Variants in KCNB2 observed in about 807,000 individuals in gnomAD.
KCNB2 encodes delayed rectifier potassium channel protein.
KCNB2 carries 15 observed loss-of-function variants against 61.5 expected under a neutral mutation model. The ratio of observed to expected loss-of-function variants is 0.24; its 90% confidence interval spans 0.16 to 0.38. The LOEUF (loss-of-function observed/expected upper bound fraction) is 0.38. Among genes scored for constraint, KCNB2 ranks in the 10% least tolerant of loss-of-function variants. KCNB2 has a pLI of 1.00. For synonymous variants in KCNB2, 457 were observed against 446.0 expected, an observed-to-expected ratio of 1.02 and a Z score of -0.31; for missense variants, 828 against 1,125.2, an observed-to-expected ratio of 0.74 and a Z score of 3.78.
chr8:72,568,385 G>GT, intron 2 of KCNB2, 72 bp downstream of exon 2: 3 of 1,308,214 alleles, frequency 2.3e-6, no homozygotes, highest in Non-Finnish European at 2.1e-6. Context: ...GAGAGTATAA[G>GT]TTTTTTTACT....
chr8:72,560,438 T>A (rs922570128), intron 1 of KCNB2, among the ~76,000 whole-genome samples: 5 of 152,226 alleles, frequency 3.3e-5, no homozygotes, highest in African/African-American at 9.6e-5. Context: ...TGATTTATTT[T>A]TCAGGGTATT....
chr8:72,888,360 C>T (rs1288128448), intron 2 of KCNB2, among the ~76,000 whole-genome samples: 1 of 152,140 alleles, frequency 6.6e-6, no homozygotes, highest in Non-Finnish European at 1.5e-5. Flanking sequence ...ATCCACCCAC[C>T]GCAGCTTCCC....
rs1346713767 is a variant in KCNB2, at chr8:72,567,935, C to T, written c.201C>T (p.Cys67=). The change falls in exon 2 of 3, where the codon TGC becomes TGT. Residue 67 remains cysteine, a synonymous_variant. Transcript: ENST00000523207. Reference sequence around the variant, plus strand: ...CGCGCCTGGGGAAGCTTCGAGACTGCAACACACACGAGAGCCTCCTGGAAG... The same window carrying T: ...CGCGCCTGGGGAAGCTTCGAGACTGTAACACACACGAGAGCCTCCTGGAAG... ...PRTRLGKLRD[C]NTHESLLEVC... The T allele has an allele frequency of 1.2e-6, 2 of 1,613,834 alleles. No individual in the cohort carries two copies. The highest frequency in any genetic ancestry group is 1.7e-6 in the Non-Finnish European group (2 of 1,179,890).
chr8:72,666,754 G>A lies in KCNB2; in HGVS notation c.579+98441G>A, dbSNP rs113185492. On this transcript the variant is annotated intron_variant, in intron 2 of 2. Coordinates refer to ENST00000523207, the MANE Select transcript of KCNB2 (RefSeq NM_004770.3). ...TGCAACCTCTGCCTCCCGGGTTCAG[G>A]CTATTCTCCTGCCTCAGCCTCCTGA... is the stretch of plus-strand genomic sequence containing the variant. 2.4e-3 allele frequency among the ~76,000 whole-genome samples: 370 copies of A among 151,530 alleles called. 2 individuals are homozygous for A. Among genetic ancestry groups the A allele is most frequent in the African/African-American group, 8.5e-3 (351 of 41,228 alleles).
At chr8:72,619,151 G>T in intron 2 of KCNB2, 3 of 336,382 alleles carry the variant, frequency 8.9e-6, no homozygotes, top group Non-Finnish European at 1.8e-5. Flanking sequence ...ATTCAATCTT[G>T]ATTTCTTCAG....
intron 2 of KCNB2, among the ~76,000 whole-genome samples, chr8:72,724,560 A>G (rs1026003142): frequency 5.3e-5 from 8 of 152,226 alleles, no homozygotes; most frequent in African/African-American, 1.7e-4. Flanking sequence ...AAAGTAGAAT[A>G]TGAATCACCA....
intron 2 of KCNB2, among the ~76,000 whole-genome samples, chr8:72,582,160 G>A (rs1456334233): frequency 6.6e-6 from 1 of 152,186 alleles, no homozygotes; most frequent in Non-Finnish European, 1.5e-5. Context: ...GGCAGCAAGG[G>A]ACAATAGAAA....
chr8:72,853,642 G>C (rs987771249), intron 2 of KCNB2, among the ~76,000 whole-genome samples: 6 of 152,148 alleles, frequency 3.9e-5, no homozygotes, highest in African/African-American at 1.4e-4. Context: ...GCATCATTAG[G>C]TGAAAGTGCT....
At chr8:72,842,482 T>C (rs1809909866) in intron 2 of KCNB2, among the ~76,000 whole-genome samples, 2 of 152,204 alleles carry the variant, frequency 1.3e-5, no homozygotes, top group Admixed American at 6.5e-5. Flanking sequence ...TCTTTTTCTA[T>C]TGTTTGGAAT....
chr8:72,749,891 A>G (rs1454524441), intron 2 of KCNB2, among the ~76,000 whole-genome samples: 4 of 148,564 alleles, frequency 2.7e-5, no homozygotes, highest in Non-Finnish European at 5.9e-5. Flanking sequence ...GTTTTAAAAC[A>G]TAATAATAAA....
chr8:72,559,154 TA>T (rs1218502207), intron 1 of KCNB2, among the ~76,000 whole-genome samples: 11 of 152,038 alleles, frequency 7.2e-5, no homozygotes, highest in African/African-American at 2.7e-4. Context: ...TTTTATTATT[TA>T]TTTTTTTGGA....
At chr8:72,665,395 G>C (rs1218261896) in intron 2 of KCNB2, among the ~76,000 whole-genome samples, 3 of 152,086 alleles carry the variant, frequency 2.0e-5, no homozygotes, top group Non-Finnish European at 4.4e-5. Flanking sequence ...AAGTCGGATG[G>C]GGAGGAAAGA....
intron 2 of KCNB2, among the ~76,000 whole-genome samples, chr8:72,816,389 TAATG>T (rs1325374361): frequency 6.6e-6 from 1 of 152,182 alleles, no homozygotes; most frequent in Non-Finnish European, 1.5e-5. Context: ...TCTGAACAGA[TAATG>T]AAATAACTGT....
chr8:72,635,777 T>C (rs894632762), intron 2 of KCNB2, among the ~76,000 whole-genome samples: 2 of 152,188 alleles, frequency 1.3e-5, no homozygotes, highest in African/African-American at 4.8e-5. Flanking sequence ...ATTCAAAGTG[T>C]AAGAACTCCT....
intron 2 of KCNB2, among the ~76,000 whole-genome samples, chr8:72,657,829 A>G (rs1174816306): frequency 6.6e-6 from 1 of 152,120 alleles, no homozygotes; most frequent in Non-Finnish European, 1.5e-5. Context: ...ACATTTATAT[A>G]ACGTATATCT....
At chr8:72,565,632 C>A in intron 1 of KCNB2, among the ~76,000 whole-genome samples, 1 of 145,738 alleles carries the variant, frequency 6.9e-6, no homozygotes, top group Middle Eastern at 3.2e-3. Context: ...GAGAAAAGAG[C>A]CATGAAGCAG....
At chr8:72,907,247 C>T (rs183024685) in intron 2 of KCNB2, among the ~76,000 whole-genome samples, 74 of 152,206 alleles carry the variant, frequency 4.9e-4, no homozygotes, top group Non-Finnish European at 8.7e-4. Context: ...GTTCCAGCTA[C>T]TCGGGAGTCT....
At chr8:72,823,568 T>G (rs1334213766) in intron 2 of KCNB2, among the ~76,000 whole-genome samples, 3 of 152,220 alleles carry the variant, frequency 2.0e-5, no homozygotes, top group Non-Finnish European at 4.4e-5. Context: ...GGATTTCAGA[T>G]AGAAGATTCA....
chr8:72,864,292 T>C (rs1226533283), intron 2 of KCNB2, among the ~76,000 whole-genome samples: 2 of 152,172 alleles, frequency 1.3e-5, no homozygotes, highest in African/African-American at 4.8e-5. Context: ...CAGAAGACAA[T>C]GGTGGCCCTT....
Sources: gnomAD v4.1 joint callset for allele counts (sites outside exome capture counted in the v4.1 genomes callset) on GRCh38, gnomAD v4.1.1 for gene constraint, MANE v1.5 for transcripts, NCBI Gene and HGNC (gene_info 2026-07-23, HGNC 2026-07-21) for gene names.